CLASP1: variants seen among roughly 807,000 people sequenced by gnomAD.
CLASP1 encodes cytoplasmic linker associated protein 1, also known as CLIP-associating protein 1.
CLASP1 carries 38 observed loss-of-function variants against 192.3 expected under a neutral mutation model. The observed-to-expected ratio is 0.20, with a 90% CI of 0.15 to 0.26. The LOEUF is 0.26. Among genes scored for constraint, CLASP1 ranks in the 10% least tolerant of loss-of-function variants. The pLI, the probability that CLASP1 is intolerant of heterozygous loss-of-function variation, is 1.00. For synonymous variants in CLASP1, 691 were observed against 712.8 expected, an observed-to-expected ratio of 0.97 and a Z score of 0.49; for missense variants, 1,433 against 1,932.5, an observed-to-expected ratio of 0.74 and a Z score of 4.85.
Position 121,630,330 on chromosome 2 carries a change from T to C in CLASP1, c.-286+19042A>G, listed in dbSNP as rs559058590. ...TGATATCACAATCATCATCCATTACTACAAGTATTGAAAACTACAGAAAGT... is the reference window on the plus strand; with the variant it reads ...TGATATCACAATCATCATCCATTACCACAAGTATTGAAAACTACAGAAAGT... On this transcript the variant is annotated intron_variant, in intron 1 of 39. Transcript: ENST00000263710. 2.0e-5 allele frequency among the ~76,000 whole-genome samples: 3 copies of C among 151,876 alleles called. No homozygotes were observed. The South Asian group carries it at 6.2e-4, about 32-fold the overall frequency.
intron 33 of CLASP1, among the ~76,000 whole-genome samples, chr2:121,378,774 GGCTGT>G (rs1480766984): frequency 6.6e-6 from 1 of 152,052 alleles, no homozygotes; most frequent in Non-Finnish European, 1.5e-5. Flanking sequence ...AAGAATCCTT[GGCTGT>G]AAGCATGCAA....
chr2:121,530,183 G>A lies in CLASP1; in HGVS notation c.274+64C>T, dbSNP rs886143217. The A allele has an allele frequency of 1.1e-5, 16 of 1,421,586 alleles. No homozygotes were observed. The Admixed American group carries it at 2.3e-4, about 20-fold the overall frequency. The allele number at this position is 1,421,586 out of a possible 1,614,324, so 88.1% of individuals were successfully genotyped here. A position where few individuals can be genotyped will look rare whatever the true frequency, so the allele number is the denominator to read the frequency against. ...GCTGCCGGGAGGGTTTGGGAGCCGG[G>A]GAGGCCGAGGGAAGGCTGGGGGTCT... On this transcript the variant is annotated intron_variant, in intron 3 of 39. Transcript: ENST00000263710.
intron 2 of CLASP1, among the ~76,000 whole-genome samples, chr2:121,573,002 C>T (rs767033349): frequency 8.5e-5 from 13 of 152,198 alleles, no homozygotes; most frequent in Non-Finnish European, 1.6e-4. Flanking sequence ...TCCTGTCGCC[C>T]AGGCTAGAGT....
At chr2:121,434,502 G>A (rs2081981015) in intron 19 of CLASP1, among the ~76,000 whole-genome samples, 1 of 152,004 alleles carries the variant, frequency 6.6e-6, no homozygotes, top group Admixed American at 6.5e-5. Flanking sequence ...CTGGCCTCAA[G>A]CAATCCTCTC....
intron 19 of CLASP1, among the ~76,000 whole-genome samples, chr2:121,432,139 G>C (rs141626716): frequency 1.3e-5 from 2 of 152,216 alleles, no homozygotes; most frequent in East Asian, 1.9e-4. Context: ...ATATGAGGCA[G>C]AGTCTCTTTC....
intron 13 of CLASP1, among the ~76,000 whole-genome samples, chr2:121,458,555 C>G (rs541673826): frequency 6.6e-6 from 1 of 152,190 alleles, no homozygotes; most frequent in East Asian, 1.9e-4. Flanking sequence ...AATATAAACT[C>G]AGAAGCAGAC....
At chr2:121,625,491 G>A (rs975521745) in intron 1 of CLASP1, among the ~76,000 whole-genome samples, 3 of 143,118 alleles carry the variant, frequency 2.1e-5, no homozygotes, top group African/African-American at 7.9e-5. Flanking sequence ...CTGGAGTGCA[G>A]TGGCACAATC....
intron 2 of CLASP1, among the ~76,000 whole-genome samples, chr2:121,579,917 A>G (rs1237177867): frequency 6.6e-6 from 1 of 152,244 alleles, no homozygotes; most frequent in Admixed American, 6.5e-5. Flanking sequence ...AACAAGCTAA[A>G]TTCATACCAG....
intron 14 of CLASP1, among the ~76,000 whole-genome samples, chr2:121,452,258 C>G (rs771118661): frequency 6.6e-6 from 1 of 152,058 alleles, no homozygotes; most frequent in Non-Finnish European, 1.5e-5. Flanking sequence ...ATGCTTTGCA[C>G]AAAAAAAGTT....
chr2:121,344,329 TA>T (rs139281640), intron 39 of CLASP1, among the ~76,000 whole-genome samples: 1 of 150,556 alleles, frequency 6.6e-6, no homozygotes, highest in Non-Finnish European at 1.5e-5. Context: ...TTTTTTTTCT[TA>T]AAAAAAAACC....
Position 121,488,074 on chromosome 2 carries a change from AC to A in CLASP1, c.712+15092del, listed in dbSNP as rs113646828. Among the ~76,000 whole-genome samples the A allele has an allele frequency of 9.9e-5, 15 of 152,136 alleles. 1 individual carries two copies. The highest frequency in any genetic ancestry group is 3.4e-4 in the African/African-American group (14 of 41,480). ...CTGGCCCTGCGAGATACACTGGCTC[AC>A]CTTGCTCCAGCCCTAAACTCAGCCA... On this transcript the variant is annotated intron_variant, in intron 8 of 39. Coordinates refer to ENST00000263710, the Ensembl canonical transcript of CLASP1.
intron 19 of CLASP1, among the ~76,000 whole-genome samples, chr2:121,437,288 C>T (rs72969303): frequency 0.042 from 6,371 of 152,280 alleles, 171 homozygotes; most frequent in East Asian, 0.14. Flanking sequence ...TAATGTACTA[C>T]ATTTTCATTT....
chr2:121,629,599 T>G (rs2069090403), intron 1 of CLASP1, among the ~76,000 whole-genome samples: 1 of 151,564 alleles, frequency 6.6e-6, no homozygotes, highest in Non-Finnish European at 1.5e-5. Context: ...GAGACCAGCC[T>G]GGCCAACATG....
At chr2:121,393,871 T>TAAAAAAAA (rs151255744) in intron 30 of CLASP1, among the ~76,000 whole-genome samples, 1 of 141,458 alleles carries the variant, frequency 7.1e-6, no homozygotes, top group Non-Finnish European at 1.5e-5. Flanking sequence ...CTTGGATGAT[T>TAAAAAAAA]AAAAAAAAAA....
chr2:121,530,927 GA>G, intron 2 of CLASP1: 1 of 699,952 alleles, frequency 1.4e-6, no homozygotes, highest in Non-Finnish European at 2.6e-6. Context: ...AGCGCATAGT[GA>G]GGGCAGTACT....
At chr2:121,635,941 C>T (rs1399325990) in intron 1 of CLASP1, among the ~76,000 whole-genome samples, 2 of 152,228 alleles carry the variant, frequency 1.3e-5, no homozygotes, top group African/African-American at 4.8e-5. Flanking sequence ...GTGGCTCACG[C>T]CTGTTATCCC....
At chr2:121,568,847 C>T (rs540281322) in intron 2 of CLASP1, among the ~76,000 whole-genome samples, 143 of 151,976 alleles carry the variant, frequency 9.4e-4, no homozygotes, top group Non-Finnish European at 1.9e-3. Flanking sequence ...TGCTGAGACA[C>T]TGGGGAGACA....
intron 2 of CLASP1, among the ~76,000 whole-genome samples, chr2:121,546,342 T>A (rs139051917): frequency 2.4e-3 from 358 of 151,482 alleles, no homozygotes; most frequent in Non-Finnish European, 4.3e-3. Flanking sequence ...CCAAGATGGC[T>A]GACTAGAAGC....
intron 8 of CLASP1, among the ~76,000 whole-genome samples, chr2:121,500,384 GAA>G (rs1471230922): frequency 9.1e-6 from 1 of 110,046 alleles, no homozygotes; most frequent in African/African-American, 3.8e-5. Flanking sequence ...AAGAAAGAAA[GAA>G]AGAAAGAAAG....
Sources: gnomAD v4.1 joint callset for allele counts (sites outside exome capture counted in the v4.1 genomes callset) on GRCh38, gnomAD v4.1.1 for gene constraint, MANE v1.5 for transcripts, NCBI Gene and HGNC (gene_info 2026-07-23, HGNC 2026-07-21) for gene names.